CRPPA: variants seen among roughly 807,000 people sequenced by gnomAD.
CRPPA encodes the protein CDP-L-ribitol pyrophosphorylase A.
In CRPPA, 43 loss-of-function variants were observed where a neutral mutation model predicts 52.0. That is an observed-to-expected ratio of 0.83 (90% CI 0.65 to 1.07). The LOEUF (loss-of-function observed/expected upper bound fraction) is 1.07. Ranked by LOEUF, CRPPA falls within the 50% of genes least tolerant of loss-of-function variation. The pLI, the probability that CRPPA is intolerant of heterozygous loss-of-function variation, is 0.00. For missense variants in CRPPA, 629 were observed against 551.7 expected, an observed-to-expected ratio of 1.14 and a Z score of -1.40; for synonymous variants, 250 against 203.5, an observed-to-expected ratio of 1.23 and a Z score of -1.94.
chr7:16,093,504 A>G (rs1009002008), intron 9 of CRPPA, among the ~76,000 whole-genome samples: 2 of 152,080 alleles, frequency 1.3e-5, no homozygotes, highest in Admixed American at 1.3e-4. Context: ...TTTTCTATCA[A>G]TTTCCTTGAT....
intron 3 of CRPPA, among the ~76,000 whole-genome samples, chr7:16,337,983 C>A (rs1472383184): frequency 6.6e-6 from 1 of 152,084 alleles, no homozygotes; most frequent in African/African-American, 2.4e-5. Flanking sequence ...GGGATATTTT[C>A]AAACTCATTT....
intron 8 of CRPPA, among the ~76,000 whole-genome samples, chr7:16,216,800 A>G (rs1028662938): frequency 6.6e-6 from 1 of 152,200 alleles, no homozygotes; most frequent in Admixed American, 6.5e-5. Context: ...ACGCCCACGG[A>G]GTCTCACTGA....
intron 9 of CRPPA, among the ~76,000 whole-genome samples, chr7:16,195,398 A>G (rs1781708821): frequency 6.6e-6 from 1 of 151,938 alleles, no homozygotes; most frequent in Non-Finnish European, 1.5e-5. Flanking sequence ...TCCTCACACC[A>G]CTGTAGCTGA....
chr7:16,221,789 G>A (rs1381613766), intron 8 of CRPPA, among the ~76,000 whole-genome samples: 1 of 150,572 alleles, frequency 6.6e-6, no homozygotes, highest in African/African-American at 2.4e-5. Context: ...TAAAAAGTCA[G>A]GAAACAACAG....
chr7:16,286,072 TATATA>T (rs1784435711), intron 5 of CRPPA, among the ~76,000 whole-genome samples: 3 of 20,598 alleles, frequency 1.5e-4, no homozygotes, highest in East Asian at 9.5e-4. Flanking sequence ...TATATATATA[TATATA>T]TATAATATTT....
chr7:16,254,792 GGAAAGAAAGAAAGAAAGAAAGAAA>G (rs56908194), intron 8 of CRPPA, among the ~76,000 whole-genome samples: 330 of 101,752 alleles, frequency 3.2e-3, no homozygotes, highest in Non-Finnish European at 5.4e-3. Flanking sequence ...AAAGAAAGAA[GGAAAGAAAGAAAGAAAGAAAGAAA>G]GAAAGAAAGA....
At chr7:16,200,341 T>C (rs1290130451) in intron 9 of CRPPA, among the ~76,000 whole-genome samples, 14 of 152,226 alleles carry the variant, frequency 9.2e-5, no homozygotes, top group Non-Finnish European at 1.5e-5. Context: ...ACACCAGAAA[T>C]TGGAAATGTT....
chr7:16,247,551 C>A (rs765582817), intron 8 of CRPPA, among the ~76,000 whole-genome samples: 22 of 152,118 alleles, frequency 1.4e-4, no homozygotes, highest in Non-Finnish European at 1.6e-4. Context: ...TGATCATAGA[C>A]TACCCATAGC....
chr7:16,386,182 A>ATCT (rs3084998), intron 2 of CRPPA, among the ~76,000 whole-genome samples: 73,885 of 151,566 alleles, frequency 0.49, 19,205 homozygotes, highest in African/African-American at 0.67. Flanking sequence ...TGGGAAGATG[A>ATCT]TCTCCTGGAG....
intron 9 of CRPPA, among the ~76,000 whole-genome samples, chr7:16,158,941 GTTTTT>G (rs149546879): frequency 0.022 from 3,347 of 152,126 alleles, 128 homozygotes; most frequent in African/African-American, 0.076. Flanking sequence ...TTTGTGTTTT[GTTTTT>G]ATTTGTTTTT....
intron 8 of CRPPA, among the ~76,000 whole-genome samples, chr7:16,221,644 C>T (rs1782510166): frequency 6.6e-6 from 1 of 151,962 alleles, no homozygotes; most frequent in African/African-American, 2.4e-5. Context: ...AGGACATGAA[C>T]AGACACTTCT....
intron 3 of CRPPA, among the ~76,000 whole-genome samples, chr7:16,363,374 C>G (rs972080230): frequency 6.6e-6 from 1 of 152,138 alleles, no homozygotes; most frequent in Non-Finnish European, 1.5e-5. Context: ...TATCAGGTAG[C>G]TAAATCCAAT....
In CRPPA at chr7:16,258,377, T is replaced by C. The variant is rs2128412301; in HGVS notation, c.1119+13A>G. On this transcript the variant is annotated intron_variant, in intron 8 of 9. Transcript: ENST00000407010. Reference sequence around the variant, plus strand: ...GCATAAGTTTGAGAAAAATCTGCATTAATTTCACTTACTGAAACAACAACA... The same window carrying C: ...GCATAAGTTTGAGAAAAATCTGCATCAATTTCACTTACTGAAACAACAACA... 6.6e-7 allele frequency: 1 copy of C among 1,524,142 alleles called. No individual in the cohort carries two copies. The highest frequency in any genetic ancestry group is 1.4e-5 in the African/African-American group (1 of 72,468). The allele number at this position is 1,524,142 out of a possible 1,614,324, so 94.4% of individuals were successfully genotyped here.
intron 3 of CRPPA, among the ~76,000 whole-genome samples, chr7:16,356,954 T>C (rs914256852): frequency 6.6e-6 from 1 of 152,158 alleles, no homozygotes; most frequent in African/African-American, 2.4e-5. Context: ...TTCTCTGGGA[T>C]ATCAATGAAA....
At chr7:16,398,382 GAC>G (rs869242806) in intron 2 of CRPPA, among the ~76,000 whole-genome samples, 1 of 113,682 alleles carries the variant, frequency 8.8e-6, no homozygotes, top group Non-Finnish European at 1.7e-5. Context: ...GGGCATGATT[GAC>G]ATGTGACTGA....
At chr7:16,099,807 T>C (rs1246800418) in intron 9 of CRPPA, among the ~76,000 whole-genome samples, 1 of 152,170 alleles carries the variant, frequency 6.6e-6, no homozygotes, top group African/African-American at 2.4e-5. Context: ...CTTAATAAAA[T>C]TGAAAAAGCA....
chr7:16,297,685 C>A (rs186432512), intron 5 of CRPPA, among the ~76,000 whole-genome samples: 150 of 152,318 alleles, frequency 9.8e-4, no homozygotes, highest in African/African-American at 3.5e-3. Context: ...CAGGCAAAAT[C>A]AGTCCTGAAC....
intron 9 of CRPPA, among the ~76,000 whole-genome samples, chr7:16,108,918 AG>A (rs988389837): frequency 1.8e-4 from 28 of 152,032 alleles, no homozygotes; most frequent in African/African-American, 6.0e-4. Flanking sequence ...AATAGAAATG[AG>A]AACACAACAG....
chr7:16,299,027 G>A (rs528301384), intron 5 of CRPPA, among the ~76,000 whole-genome samples: 104 of 152,270 alleles, frequency 6.8e-4, no homozygotes, highest in African/African-American at 2.4e-3. Flanking sequence ...CCATCATCAC[G>A]TGAGCCAATC....
Sources: gnomAD v4.1 joint callset for allele counts (sites outside exome capture counted in the v4.1 genomes callset) on GRCh38, gnomAD v4.1.1 for gene constraint, MANE v1.5 for transcripts, NCBI Gene and HGNC (gene_info 2026-07-23, HGNC 2026-07-21) for gene names.